The following PRKAA1 variants were observed in gnomAD, a reference collection of about 807,000 sequenced individuals.
PRKAA1 encodes protein kinase AMP-activated catalytic subunit alpha 1.
PRKAA1 carries 23 observed loss-of-function variants against 56.9 expected under a neutral mutation model. The observed-to-expected ratio is 0.40, with a 90% CI of 0.29 to 0.57. PRKAA1 has a LOEUF of 0.57. Among genes scored for constraint, PRKAA1 ranks in the 20% least tolerant of loss-of-function variants. The pLI, the probability that PRKAA1 is intolerant of heterozygous loss-of-function variation, is 0.39. For synonymous variants in PRKAA1, 226 were observed against 227.0 expected (o/e 1.00, Z 0.04); for missense variants, 413 against 679.7 (o/e 0.61, Z 4.36).
At chr5:40,787,038 G>C (rs1579752619) in intron 1 of PRKAA1, among the ~76,000 whole-genome samples, 1 of 151,662 alleles carries the variant, frequency 6.6e-6, no homozygotes, top group Admixed American at 6.6e-5. Flanking sequence ...TGAGTGACAG[G>C]AAAACATGAA....
In PRKAA1 at chr5:40,794,342, GTTTTTTCTTACTTAT is replaced by G. The variant is rs1431393651; in HGVS notation, c.127+3706_127+3720del. On this transcript the variant is annotated intron_variant, in intron 1 of 8. Transcript: ENST00000397128. ...AGCCCACTTTTTGATGGGACTATTT[GTTTTTTCTTACTTAT>G]TTGTTTGAGTTCATTGTGGATTCTG... 6.6e-5 allele frequency among the ~76,000 whole-genome samples: 10 copies of G among 152,042 alleles called. No individual in the cohort carries two copies. The East Asian group carries it at 1.9e-3, about 29-fold the overall frequency.
At chr5:40,774,062 A>T (rs1396119004) in intron 3 of PRKAA1, among the ~76,000 whole-genome samples, 1 of 152,228 alleles carries the variant, frequency 6.6e-6, no homozygotes, top group Non-Finnish European at 1.5e-5. Flanking sequence ...ATTTGTTATT[A>T]TTAGCATTTG....
intron 4 of PRKAA1, among the ~76,000 whole-genome samples, chr5:40,770,915 A>G (rs983734828): frequency 6.6e-6 from 1 of 152,082 alleles, no homozygotes; most frequent in African/African-American, 2.4e-5. Context: ...TTTAACAATC[A>G]AAATGTTCTT....
chr5:40,767,867 A>G (rs1233140209), intron 5 of PRKAA1, among the ~76,000 whole-genome samples, 177 bp from the exon 6 acceptor site: 1 of 46 alleles, frequency 0.022, no homozygotes, highest in Non-Finnish European at 0.045. Context: ...ACAAAAGTCA[A>G]GAAGTTTGTA....
chr5:40,783,872 G>GA (rs1339526007), intron 1 of PRKAA1, among the ~76,000 whole-genome samples: 5 of 152,180 alleles, frequency 3.3e-5, no homozygotes, highest in Non-Finnish European at 7.3e-5. Context: ...TTGCACATGT[G>GA]AAAGCAGTAT....
At chr5:40,780,569 T>G (rs1744226582) in intron 1 of PRKAA1, among the ~76,000 whole-genome samples, 3 of 152,126 alleles carry the variant, frequency 2.0e-5, no homozygotes, top group African/African-American at 7.2e-5. Flanking sequence ...CTGGAGACCC[T>G]GGCATGCTGG....
At chr5:40,784,164 T>C (rs1744375144) in intron 1 of PRKAA1, among the ~76,000 whole-genome samples, 1 of 152,214 alleles carries the variant, frequency 6.6e-6, no homozygotes, top group Non-Finnish European at 1.5e-5. Context: ...CTCCCAGACC[T>C]GTTCCCCCAT....
At chr5:40,767,767 A>G (rs911449816) in intron 5 of PRKAA1, 77 bp from the exon 6 acceptor site, 9 of 1,216,430 alleles carry the variant, frequency 7.4e-6, no homozygotes, top group African/African-American at 1.5e-5. Flanking sequence ...TCAAATATGG[A>G]TATTTCATAA....
intron 1 of PRKAA1, among the ~76,000 whole-genome samples, chr5:40,780,026 G>A (rs1206005054): frequency 6.6e-6 from 1 of 152,182 alleles, no homozygotes; most frequent in Non-Finnish European, 1.5e-5. Flanking sequence ...AAGGGCAGAA[G>A]TCATACCTGA....
At chr5:40,767,442 A>G (rs750015012) in intron 6 of PRKAA1, 24 bp downstream of exon 6, 9 of 1,571,454 alleles carry the variant, frequency 5.7e-6, no homozygotes, top group Non-Finnish European at 7.0e-6. Context: ...ATCAGATCTG[A>G]TAACTTCCAA....
At chr5:40,777,925 T>C (rs1036719473) in intron 1 of PRKAA1, among the ~76,000 whole-genome samples, 2 of 151,998 alleles carry the variant, frequency 1.3e-5, no homozygotes, top group African/African-American at 2.4e-5. Flanking sequence ...ATACAAAAAA[T>C]TGGCGAGGCG....
At chr5:40,797,960 G>A (rs576706485) in intron 1 of PRKAA1, 103 bp downstream of exon 1, 1 of 1,519,732 alleles carries the variant, frequency 6.6e-7, no homozygotes, top group Non-Finnish European at 8.9e-7. Context: ...GCCCAGCCCT[G>A]GAAAGAAGGG....
intron 3 of PRKAA1, chr5:40,774,824 G>C: frequency 1.1e-6 from 1 of 901,520 alleles, no homozygotes; most frequent in Non-Finnish European, 1.7e-6. Flanking sequence ...GAAAAAGTAT[G>C]GGCAGAGGGC....
chr5:40,790,684 C>A (rs1276223880), intron 1 of PRKAA1, among the ~76,000 whole-genome samples: 1 of 151,984 alleles, frequency 6.6e-6, no homozygotes, highest in Non-Finnish European at 1.5e-5. Context: ...GGACAACAGG[C>A]GCATGCCACC....
chr5:40,784,556 A>G (rs748394651), intron 1 of PRKAA1, among the ~76,000 whole-genome samples: 5 of 152,200 alleles, frequency 3.3e-5, no homozygotes, highest in Non-Finnish European at 7.3e-5. Flanking sequence ...AAGAACACAG[A>G]GGAAAAAAGC....
At chr5:40,792,550 T>C (rs1256937187) in intron 1 of PRKAA1, among the ~76,000 whole-genome samples, 2 of 152,300 alleles carry the variant, frequency 1.3e-5, no homozygotes, top group South Asian at 2.1e-4. Context: ...AGTGGTTCTG[T>C]AGGTTTCTAA....
intron 8 of PRKAA1, 100 bp from the exon 9 acceptor site, chr5:40,763,122 G>T: frequency 8.7e-7 from 1 of 1,153,816 alleles, no homozygotes; most frequent in Non-Finnish European, 1.3e-6. Context: ...CTGCTGGCCA[G>T]CTATCAAGAG....
At chr5:40,784,312 GC>G (rs1744382170) in intron 1 of PRKAA1, among the ~76,000 whole-genome samples, 1 of 152,096 alleles carries the variant, frequency 6.6e-6, no homozygotes, top group Non-Finnish European at 1.5e-5. Flanking sequence ...ATAAATAATA[GC>G]TGTCATTTTA....
intron 2 of PRKAA1, among the ~76,000 whole-genome samples, chr5:40,776,708 C>T (rs1243568387): frequency 6.6e-6 from 1 of 152,178 alleles, no homozygotes; most frequent in Non-Finnish European, 1.5e-5. Flanking sequence ...CTTTTGAAAC[C>T]TTGGATTCCT....
Sources: gnomAD v4.1 joint callset for allele counts (sites outside exome capture counted in the v4.1 genomes callset) on GRCh38, gnomAD v4.1.1 for gene constraint, MANE v1.5 for transcripts, NCBI Gene and HGNC (gene_info 2026-07-23, HGNC 2026-07-21) for gene names.